Variants in ENTREP2 observed in about 807,000 individuals in gnomAD.
ENTREP2 encodes protein ENTREP2.
chr15:29,341,538 C>A, the ENTREP2 span, among the ~76,000 whole-genome samples: 5 of 152,206 alleles, frequency 3.3e-5, no homozygotes, highest in Non-Finnish European at 7.3e-5. Context: ...CCACAACATG[C>A]AAACCTGATC....
chr15:29,433,121 C>T, the ENTREP2 span, among the ~76,000 whole-genome samples: 7 of 152,308 alleles, frequency 4.6e-5, no homozygotes, highest in South Asian at 1.2e-3. Context: ...GGCCAGCCCC[C>T]GACGGTCCTG....
chr15:29,250,475 G>A, the ENTREP2 span, among the ~76,000 whole-genome samples: 1 of 152,174 alleles, frequency 6.6e-6, no homozygotes, highest in Non-Finnish European at 1.5e-5. Context: ...AGAAATAGAG[G>A]AGACCAAATC....
the ENTREP2 span, among the ~76,000 whole-genome samples, chr15:29,584,077 C>G: frequency 1.6e-4 from 24 of 152,200 alleles, no homozygotes; most frequent in South Asian, 4.8e-3. Context: ...AAGACACTAT[C>G]AAGAAAATGA....
the ENTREP2 span, among the ~76,000 whole-genome samples, chr15:29,274,798 A>G: frequency 6.6e-6 from 1 of 152,212 alleles, no homozygotes; most frequent in Non-Finnish European, 1.5e-5. Flanking sequence ...AACTTCATTT[A>G]AGTTTTACAG....
the ENTREP2 span, among the ~76,000 whole-genome samples, chr15:29,598,145 G>A: frequency 1.3e-5 from 2 of 152,038 alleles, no homozygotes; most frequent in African/African-American, 4.8e-5. Context: ...AAAAGACTAG[G>A]TTTAGTTTTG....
chr15:29,156,400 C>G, the ENTREP2 span, among the ~76,000 whole-genome samples: 1 of 152,042 alleles, frequency 6.6e-6, no homozygotes, highest in Non-Finnish European at 1.5e-5. Context: ...GTTGGCCAGG[C>G]TGGTCTCGAA....
At chr15:29,610,558 C>G in the ENTREP2 span, 1 of 150,148 alleles carries the variant, frequency 6.7e-6, no homozygotes, top group African/African-American at 2.4e-5. Flanking sequence ...TTCATTCTCT[C>G]TTCCAGAAAC....
the ENTREP2 span, among the ~76,000 whole-genome samples, chr15:29,192,516 A>G: frequency 0.39 from 59,360 of 151,616 alleles, 11,844 homozygotes; most frequent in East Asian, 0.54. Flanking sequence ...AGGTCACAGG[A>G]CAGCAAATTC....
the ENTREP2 span, among the ~76,000 whole-genome samples, chr15:29,496,011 T>G: frequency 6.6e-6 from 1 of 152,156 alleles, no homozygotes; most frequent in Non-Finnish European, 1.5e-5. Flanking sequence ...ATGAATATTT[T>G]TATAATATTG....
chr15:29,652,536 G>A, the ENTREP2 span, among the ~76,000 whole-genome samples: 1 of 152,350 alleles, frequency 6.6e-6, no homozygotes, highest in Non-Finnish European at 1.5e-5. Context: ...AAGAGCTGAG[G>A]CCCTTTAGGG....
the ENTREP2 span, among the ~76,000 whole-genome samples, chr15:29,138,540 G>A: frequency 3.3e-5 from 5 of 152,140 alleles, no homozygotes; most frequent in East Asian, 7.7e-4. Context: ...GTATGTGTGT[G>A]TTGTGTGTGT....
chr15:29,143,038 T>C, the ENTREP2 span, among the ~76,000 whole-genome samples: 1 of 152,340 alleles, frequency 6.6e-6, no homozygotes, highest in African/African-American at 2.4e-5. Flanking sequence ...TTGCTTCTCA[T>C]GGATACAAGC....
the ENTREP2 span, among the ~76,000 whole-genome samples, chr15:29,622,896 G>C: frequency 6.6e-6 from 1 of 152,192 alleles, no homozygotes; most frequent in African/African-American, 2.4e-5. Flanking sequence ...GCTGAGGCTT[G>C]TCATAGTGAT....
the ENTREP2 span, among the ~76,000 whole-genome samples, chr15:29,288,966 G>C: frequency 6.6e-6 from 1 of 152,140 alleles, no homozygotes; most frequent in African/African-American, 2.4e-5. Flanking sequence ...CCAGAACTTT[G>C]GAAGGCTGTG....
At chr15:29,670,288 C>T in the ENTREP2 span, among the ~76,000 whole-genome samples, 1 of 152,136 alleles carries the variant, frequency 6.6e-6, no homozygotes, top group Non-Finnish European at 1.5e-5. Context: ...AACAGGGTTC[C>T]AGAGGCAAGT....
the ENTREP2 span, among the ~76,000 whole-genome samples, chr15:29,387,167 C>A: frequency 1.3e-5 from 2 of 152,124 alleles, no homozygotes; most frequent in Non-Finnish European, 2.9e-5. Context: ...TTTTGAGATA[C>A]ATCACATCAA....
At chr15:29,157,025 A>G in the ENTREP2 span, among the ~76,000 whole-genome samples, 398 of 152,218 alleles carry the variant, frequency 2.6e-3, 2 homozygotes, top group Middle Eastern at 0.014. Flanking sequence ...TGAACCTGGG[A>G]GGTGGAGGTA....
chr15:29,216,590 C>T, the ENTREP2 span, among the ~76,000 whole-genome samples: 6 of 152,156 alleles, frequency 3.9e-5, no homozygotes, highest in African/African-American at 1.4e-4. Context: ...TCTTCTTTCT[C>T]AGGGACACTG....
the ENTREP2 span, among the ~76,000 whole-genome samples, chr15:29,199,891 T>C: frequency 1.3e-5 from 2 of 152,242 alleles, no homozygotes; most frequent in African/African-American, 2.4e-5. Context: ...TCAGTCACTT[T>C]TAGTGAAAGA....
Sources: allele counts gnomAD v4.1 joint callset (sites outside exome capture counted in the v4.1 genomes callset), GRCh38; gene constraint gnomAD v4.1.1; transcripts MANE v1.5; gene names NCBI Gene and HGNC (gene_info 2026-07-23, HGNC 2026-07-21).